Variants in DDX60 observed in about 807,000 individuals in gnomAD.
The protein encoded by DDX60 is DExD/H-box helicase 60.
A neutral mutation model predicts 212.8 loss-of-function variants in DDX60; 165 were observed. That is an observed-to-expected ratio of 0.78 (90% CI 0.68 to 0.88). The LOEUF (loss-of-function observed/expected upper bound fraction) is 0.88. Ranked by LOEUF, DDX60 falls within the 40% of genes least tolerant of loss-of-function variation. The probability of loss-of-function intolerance (pLI) is 0.00; values close to 1 mark genes in which losing one functional copy is unlikely to be tolerated. For missense variants in DDX60, 1,905 were observed against 2,003.9 expected (o/e 0.95, Z 0.94); for synonymous variants, 703 against 685.3 (o/e 1.03, Z -0.40).
rs1422333199 is a variant in DDX60, at chr4:168,220,681, A to T, written c.5013T>A (p.Asp1671Glu). 10 of 1,461,298 alleles carry T rather than the reference A, an allele frequency of 6.8e-6. No individual in the cohort carries two copies. The highest frequency in any genetic ancestry group is 2.6e-5 in the East Asian group (1 of 38,894). The allele number at this position is 1,461,298 out of a possible 1,614,324, so 90.5% of individuals were successfully genotyped here. ...NEGDAYYLLK[D>E]FALTIKSISV... is the part of the protein sequence containing the mutation. Reference sequence around the variant, plus strand: ...TGATAGATTTAATGGTGAGTGCAAAATCCTTCAACAAATAATAAGCATCTC... The same window carrying T: ...TGATAGATTTAATGGTGAGTGCAAATTCCTTCAACAAATAATAAGCATCTC... Residue 1671 changes from aspartate (D) to glutamate (E), a missense_variant, in exon 37 of 38, where the codon GAT becomes GAA. Asp to Glu is a conservative substitution (Grantham distance 45). Transcript: ENST00000393743.
At position 168,270,908 on chromosome 4, in the gene DDX60, C is replaced by T. The variant is rs1206304795; in HGVS notation, c.2670+1135G>A. Among the ~76,000 whole-genome samples the T allele has an allele frequency of 3.4e-4, 33 of 97,976 alleles. 1 individual carries two copies. The South Asian group carries it at 6.6e-3, about 20-fold the overall frequency. The allele number at this position is 97,976 out of a possible 152,430, so 64.3% of individuals were successfully genotyped here. A position where few individuals can be genotyped will look rare whatever the true frequency, so the allele number is the denominator to read the frequency against. On this transcript the variant is annotated intron_variant, in intron 19 of 37. Coordinates refer to ENST00000393743, the MANE Select transcript of DDX60 (RefSeq NM_017631.6). ...TTTTTTTTTTTTGGAGATGGAGTTT[C>T]GCTCTGGTACCCAGGCTGGAGTGCA...
At chr4:168,246,356 A>C in intron 30 of DDX60, 62 bp downstream of exon 30, 2 of 1,589,734 alleles carry the variant, frequency 1.3e-6, no homozygotes, top group South Asian at 1.1e-5. Context: ...AAAGAACAGC[A>C]GACCTGACTA....
chr4:168,220,359 A>C (rs1417625403), intron 37 of DDX60, among the ~76,000 whole-genome samples: 1 of 152,174 alleles, frequency 6.6e-6, no homozygotes, highest in Admixed American at 6.5e-5. Context: ...ACCAGGATCG[A>C]GGAGTCAATG....
intron 30 of DDX60, among the ~76,000 whole-genome samples, chr4:168,242,257 C>T (rs566805553): frequency 1.3e-5 from 2 of 152,200 alleles, no homozygotes; most frequent in Non-Finnish European, 2.9e-5. Context: ...GGTTGGAGAA[C>T]CTGCACAGAG....
intron 6 of DDX60, among the ~76,000 whole-genome samples, chr4:168,297,354 GA>G (rs1221543520): frequency 2.8e-5 from 2 of 72,104 alleles, no homozygotes; most frequent in African/African-American, 2.2e-4. Context: ...AAGAAAGAAA[GA>G]AAGAAAGAAA....
chr4:168,274,164 A>G (rs1735226870), intron 16 of DDX60, 81 bp from the exon 17 acceptor site: 6 of 1,547,024 alleles, frequency 3.9e-6, no homozygotes, highest in South Asian at 1.2e-5. Context: ...TAGACTTCCA[A>G]TACGATTTTC....
rs940749417 is a variant in DDX60 at position 168,277,743 on chromosome 4, A to C, written c.1979-1562T>G. On this transcript the variant is annotated intron_variant, in intron 14 of 37. Coordinates refer to ENST00000393743, the MANE Select transcript of DDX60 (RefSeq NM_017631.6). ...AGAATGGCGTGAACCCAGGAGGCAG[A>C]GCTTGCAGTGAGCCGAGATAGTGCC... Among the ~76,000 whole-genome samples, 9 of 148,542 alleles carry C rather than the reference A, an allele frequency of 6.1e-5. No homozygotes were observed. In the Admixed American group the frequency reaches 6.1e-4, roughly 10 times the overall value.
chr4:168,310,867 C>G (rs1041866004), intron 3 of DDX60, 131 bp downstream of exon 3: 36 of 472,730 alleles, frequency 7.6e-5, no homozygotes, highest in Non-Finnish European at 7.7e-6. Context: ...TTCTCAACTG[C>G]ATAGTTGTTC....
intron 33 of DDX60, 62 bp downstream of exon 33, chr4:168,236,190 T>C: frequency 1.3e-6 from 2 of 1,507,746 alleles, no homozygotes; most frequent in Non-Finnish European, 1.8e-6. Flanking sequence ...GCTAAGTCAT[T>C]TTAGGTAAGA....
At chr4:168,244,878 T>TA (rs35973596) in intron 30 of DDX60, among the ~76,000 whole-genome samples, 8,794 of 151,214 alleles carry the variant, frequency 0.058, 435 homozygotes, top group East Asian at 0.15. Context: ...TGTTTTCTCA[T>TA]AAAAAAAAAT....
rs71867661 is a variant in DDX60 at position 168,286,389 on chromosome 4, T to TACACAC, written c.1339+653_1339+658dup. ...TTCTCTTGAGTCCTCCTTGATTTTA[T>TACACAC]ACACACACACACACACACACACACA... On this transcript the variant is annotated intron_variant, in intron 10 of 37. Transcript: ENST00000393743. Among the ~76,000 whole-genome samples the TACACAC allele has an allele frequency of 6.9e-4, 92 of 133,750 alleles. 1 individual carries two copies. Among genetic ancestry groups the TACACAC allele is most frequent in the Middle Eastern group, 3.5e-3 (1 of 284 alleles). 87.7% of individuals were successfully genotyped at this position (133,750 alleles called of 152,430 possible). A position where few individuals can be genotyped will look rare whatever the true frequency, so the allele number is the denominator to read the frequency against.
At position 168,275,512 on chromosome 4, in the gene DDX60, T is replaced by A; in HGVS notation, c.2146-9A>T. The A allele has an allele frequency of 6.3e-7, 1 of 1,579,848 alleles. No homozygotes were observed. The highest frequency in any genetic ancestry group is 1.2e-5 in the South Asian group (1 of 83,112). The stretch of plus-strand genomic sequence containing the variant: ...ACATCATTTTCTGCATCCTGCATTA[T>A]TTTAAAAGTCCATTTTGAAAATGAC... On this transcript the variant is annotated splice_polypyrimidine_tract_variant and intron_variant, in intron 15 of 37. Coordinates refer to ENST00000393743, the MANE Select transcript of DDX60 (RefSeq NM_017631.6).
intron 25 of DDX60, among the ~76,000 whole-genome samples, chr4:168,256,156 G>A (rs1454049357): frequency 7.3e-6 from 1 of 137,770 alleles, no homozygotes; most frequent in Non-Finnish European, 1.5e-5. Flanking sequence ...CAGAACTCGT[G>A]GAAATTTTTC....
chr4:168,253,885 AT>A (rs1400752647), intron 26 of DDX60, among the ~76,000 whole-genome samples: 1 of 152,198 alleles, frequency 6.6e-6, no homozygotes, highest in Non-Finnish European at 1.5e-5. Flanking sequence ...CAAGTCACTT[AT>A]CACTTATTTG....
intron 6 of DDX60, among the ~76,000 whole-genome samples, chr4:168,299,380 C>T (rs756437911): frequency 2.0e-5 from 3 of 150,360 alleles, no homozygotes; most frequent in Admixed American, 6.6e-5. Context: ...TAAAAATAAA[C>T]GAATTTTAAA....
intron 37 of DDX60, among the ~76,000 whole-genome samples, chr4:168,217,747 G>C (rs1732899876): frequency 6.6e-6 from 1 of 152,100 alleles, no homozygotes; most frequent in Admixed American, 6.6e-5. Context: ...AACCATTGCT[G>C]GCTTTGGAGA....
intron 15 of DDX60, 28 bp downstream of exon 15, chr4:168,275,987 T>TATCA (rs1735318007): frequency 6.4e-7 from 1 of 1,560,914 alleles, no homozygotes; most frequent in Admixed American, 1.8e-5. Context: ...ATTACCCTGT[T>TATCA]GAAATTGAGC....
rs1250865277 is a variant in DDX60 at position 168,248,358 on chromosome 4, C to T, written c.3859-66G>A. On this transcript the variant is annotated intron_variant, in intron 28 of 37. Coordinates refer to ENST00000393743, the MANE Select transcript of DDX60 (RefSeq NM_017631.6). The stretch of plus-strand genomic sequence containing the variant: ...TTAATAGAATGCAAGTATTTCCTGT[C>T]ATAAAGTTGCTGAAAAACTCTTTGA... The T allele has an allele frequency of 4.0e-6, 5 of 1,236,162 alleles. No homozygotes were observed. The African/African-American group carries it at 4.7e-5, about 12-fold the overall frequency. 76.6% of individuals were successfully genotyped at this position (1,236,162 alleles called of 1,614,324 possible).
chr4:168,265,087 G>A (rs1464008972), intron 22 of DDX60, among the ~76,000 whole-genome samples: 1 of 152,132 alleles, frequency 6.6e-6, no homozygotes, highest in Non-Finnish European at 1.5e-5. Flanking sequence ...CTGTTCCTGT[G>A]TGGCATGAAA....
Sources: allele counts gnomAD v4.1 joint callset (sites outside exome capture counted in the v4.1 genomes callset), GRCh38; gene constraint gnomAD v4.1.1; transcripts MANE v1.5; gene names NCBI Gene and HGNC (gene_info 2026-07-23, HGNC 2026-07-21).